CDC5L: variants seen among roughly 807,000 people sequenced by gnomAD.
CDC5L encodes cell division cycle 5 like.
Under a neutral mutation model 104.1 loss-of-function variants are expected in CDC5L, and 18 were observed. The ratio of observed to expected loss-of-function variants is 0.17; its 90% CI spans 0.12 to 0.26. The LOEUF is 0.26. Among genes scored for constraint, CDC5L ranks in the 10% least tolerant of loss-of-function variants. CDC5L has a pLI of 1.00. For missense variants in CDC5L, 673 were observed against 956.9 expected (o/e 0.70, Z 3.91); for synonymous variants, 331 against 322.7 (o/e 1.03, Z -0.28).
In CDC5L at chr6:44,446,917, G is replaced by C. The variant is rs1187349726; in HGVS notation, c.*206G>C. ...GACATTTTAGAGTTTAAATTATTAA[G>C]GCTATCATTCTTTTAGTAATGTCAT... On this transcript the variant is annotated 3_prime_UTR_variant, in exon 16 of 16. Transcript: ENST00000371477. 2.8e-6 allele frequency: 1 copy of C among 351,040 alleles called. No homozygotes were observed. The highest frequency in any genetic ancestry group is 5.1e-6 in the Non-Finnish European group (1 of 196,586). The allele number at this position is 351,040 out of a possible 1,614,324, so 21.7% of individuals were successfully genotyped here.
intron 14 of CDC5L, among the ~76,000 whole-genome samples, chr6:44,445,234 A>G (rs1278524385): frequency 6.6e-6 from 1 of 152,162 alleles, no homozygotes; most frequent in African/African-American, 2.4e-5. Context: ...GATGGAAATT[A>G]TAAAAGTTGG....
chr6:44,424,349 A>C, intron 10 of CDC5L, 70 bp from the exon 11 acceptor site: 1 of 1,381,104 alleles, frequency 7.2e-7, no homozygotes, highest in Non-Finnish European at 1.0e-6. Flanking sequence ...ATCAATTTTT[A>C]AGAGACTCAT....
intron 7 of CDC5L, among the ~76,000 whole-genome samples, chr6:44,407,518 G>T (rs1377125714): frequency 1.3e-5 from 2 of 152,146 alleles, no homozygotes; most frequent in Non-Finnish European, 2.9e-5. Flanking sequence ...CTAGAGACAG[G>T]GTTTCACCAT....
chr6:44,407,499 G>A (rs1408409844), intron 7 of CDC5L, among the ~76,000 whole-genome samples: 1 of 152,088 alleles, frequency 6.6e-6, no homozygotes, highest in Non-Finnish European at 1.5e-5. Flanking sequence ...GCTAATTTTT[G>A]TATATTTACT....
At chr6:44,390,157 G>A in intron 1 of CDC5L, 111 bp from the exon 2 acceptor site, 2 of 666,418 alleles carry the variant, frequency 3.0e-6, no homozygotes, top group Non-Finnish European at 2.7e-6. Context: ...TGGTGTGTAT[G>A]TGCATGTTAT....
At chr6:44,390,702 A>G (rs899635705) in intron 2 of CDC5L, among the ~76,000 whole-genome samples, 1 of 152,140 alleles carries the variant, frequency 6.6e-6, no homozygotes, top group Admixed American at 6.6e-5. Context: ...ACTTTCAGGG[A>G]CAGATGAGCC....
chr6:44,406,384 G>A lies in CDC5L; in HGVS notation c.820G>A (p.Asp274Asn), dbSNP rs1451600946. 3 of 1,606,538 alleles carry A rather than the reference G, an allele frequency of 1.9e-6. No homozygotes were observed. The highest frequency in any genetic ancestry group is 4.5e-5 in the East Asian group (2 of 44,826). ...KQHLKRKKES[D>N]LPSAILQTSG... ...GCATTTGAAAAGGAAAAAAGAATCT[G>A]ATTTACCATCAGCTATTCTTCAAAC... is the stretch of plus-strand genomic sequence containing the variant. Residue 274 changes from aspartate (D) to asparagine (N), a missense_variant, in exon 7 of 16, where the codon GAT (aspartate) becomes AAT (asparagine). Transcript: ENST00000371477.
At chr6:44,411,637 A>AGAGAGAGAGAGAGAGAGTGTGTGTGTGT in intron 8 of CDC5L, among the ~76,000 whole-genome samples, 4 of 123,744 alleles carry the variant, frequency 3.2e-5, no homozygotes, top group Admixed American at 1.6e-4. Context: ...AGAGAGAGAG[A>AGAGAGAGAGAGAGAGAGTGTGTGTGTGT]GTGTGTGTGT....
At chr6:44,425,096 A>G (rs552289971) in intron 11 of CDC5L, among the ~76,000 whole-genome samples, 18 of 152,228 alleles carry the variant, frequency 1.2e-4, no homozygotes, top group African/African-American at 4.1e-4. Flanking sequence ...AATATTAGTA[A>G]CACTTTGTAC....
chr6:44,409,749 A>G (rs949037773), intron 8 of CDC5L, among the ~76,000 whole-genome samples: 1 of 152,156 alleles, frequency 6.6e-6, no homozygotes. Context: ...TGGACTCATT[A>G]TTCTTCAGGG....
At chr6:44,428,319 AT>A (rs11572030) in intron 13 of CDC5L, among the ~76,000 whole-genome samples, 1,806 of 152,000 alleles carry the variant, frequency 0.012, 18 homozygotes, top group Middle Eastern at 0.054. Context: ...TTTTGTTAAA[AT>A]TTTTTGTTTA....
intron 8 of CDC5L, among the ~76,000 whole-genome samples, chr6:44,409,235 C>A (rs1268306071): frequency 6.6e-6 from 1 of 152,178 alleles, no homozygotes; most frequent in East Asian, 1.9e-4. Context: ...CGTAGAGGTG[C>A]CTGTTACAAC....
chr6:44,420,729 T>C (rs1792132371), intron 9 of CDC5L, among the ~76,000 whole-genome samples: 2 of 152,230 alleles, frequency 1.3e-5, no homozygotes, highest in Admixed American at 1.3e-4. Context: ...AGATTTTGAA[T>C]TTCCTGATTT....
chr6:44,392,629 G>T, intron 2 of CDC5L, 38 bp from the exon 3 acceptor site: 1 of 1,573,360 alleles, frequency 6.4e-7, no homozygotes, highest in South Asian at 1.1e-5. Context: ...TTTATGCCAG[G>T]TAACTGATTA....
chr6:44,445,847 G>T lies in CDC5L; in HGVS notation c.2284G>T (p.Ala762Ser). 6.2e-7 allele frequency: 1 copy of T among 1,613,536 alleles called. No homozygotes were observed. The highest frequency in any genetic ancestry group is 1.1e-5 in the South Asian group (1 of 91,056). The change falls in exon 15 of 16, where the codon GCT becomes TCT. Residue 762 changes from alanine (A) to serine (S), a missense_variant. Ala to Ser is a moderately conservative substitution (Grantham distance 99). Around this residue, in one of 4 missense-constraint regions of CDC5L, gnomAD observed 578 missense variants for 737.0 expected, o/e 0.78. Coordinates refer to ENST00000371477, the MANE Select transcript of CDC5L (RefSeq NM_001253.4). The stretch of plus-strand genomic sequence containing the variant: ...AGAACTCAAGAAACATGAAGATTCT[G>T]CTATTCCCCGGAGGCTAGAGGTAAC... ...FEELKKHEDS[A>S]IPRRLECLKE...
rs1441578752 is a variant in CDC5L, at chr6:44,449,543, T to C, written c.*2832T>C. On this transcript the variant is annotated 3_prime_UTR_variant, in exon 16 of 16. Coordinates refer to ENST00000371477, the MANE Select transcript of CDC5L (RefSeq NM_001253.4). ...CACATTGGTATTGTTCACTAAGGTA[T>C]TGGTTGTTAAGGCATTCATTAAGGT... is the stretch of plus-strand genomic sequence containing the variant. 6.6e-6 allele frequency: 1 copy of C among 152,190 alleles called. No individual in the cohort carries two copies. Among genetic ancestry groups the C allele is most frequent in the African/African-American group, 2.4e-5 (1 of 41,448 alleles). The allele number at this position is 152,190 out of a possible 1,614,324, so 9.4% of individuals were successfully genotyped here. A position where few individuals can be genotyped will look rare whatever the true frequency, so the allele number is the denominator to read the frequency against.
At chr6:44,406,542 G>A in intron 7 of CDC5L, 75 bp downstream of exon 7, 1 of 1,316,206 alleles carries the variant, frequency 7.6e-7, no homozygotes, top group Non-Finnish European at 1.1e-6. Context: ...ATGTTTGAAG[G>A]CCTGTGTACC....
At chr6:44,439,821 A>G (rs571381404) in intron 14 of CDC5L, among the ~76,000 whole-genome samples, 2 of 152,326 alleles carry the variant, frequency 1.3e-5, no homozygotes, top group African/African-American at 4.8e-5. Context: ...AACTTGTAGC[A>G]ATGACTGCCA....
chr6:44,429,411 T>G (rs2153382267), intron 13 of CDC5L, among the ~76,000 whole-genome samples: 1 of 152,322 alleles, frequency 6.6e-6, no homozygotes, highest in Non-Finnish European at 1.5e-5. Flanking sequence ...CTTTTAAACC[T>G]AGTTTCTCAC....
Sources: gnomAD v4.1 joint callset for allele counts (sites outside exome capture counted in the v4.1 genomes callset) on GRCh38, gnomAD v4.1.1 for gene constraint, gnomAD v4.1.1 regional missense constraint, MANE v1.5 for transcripts, NCBI Gene and HGNC (gene_info 2026-07-23, HGNC 2026-07-21) for gene names.